PIK3R6: variants seen among roughly 807,000 people sequenced by gnomAD.
The protein encoded by PIK3R6 is phosphoinositide-3-kinase regulatory subunit 6, also known as phosphoinositide 3-kinase regulatory subunit 6.
PIK3R6 carries 91 observed loss-of-function variants against 84.9 expected under a neutral mutation model. The observed-to-expected ratio is 1.07, with a 90% confidence interval of 0.90 to 1.28. The LOEUF is 1.28. Among genes scored for constraint, PIK3R6 ranks in the 50% most tolerant of loss-of-function variants. The pLI, the probability that PIK3R6 is intolerant of heterozygous loss-of-function variation, is 0.00. For synonymous variants in PIK3R6, 416 were observed against 411.4 expected, an observed-to-expected ratio of 1.01 and a Z score of -0.13; for missense variants, 996 against 985.1, an observed-to-expected ratio of 1.01 and a Z score of -0.15.
At chr17:8,833,767 C>T (rs1180904340) in intron 8 of PIK3R6, among the ~76,000 whole-genome samples, 3 of 151,886 alleles carry the variant, frequency 2.0e-5, no homozygotes, top group East Asian at 3.9e-4. Context: ...GTCTCGATCT[C>T]CTGACCTCAT....
chr17:8,864,292 G>C (rs1383673165), intron 1 of PIK3R6, among the ~76,000 whole-genome samples: 1 of 152,136 alleles, frequency 6.6e-6, no homozygotes, highest in African/African-American at 2.4e-5. Flanking sequence ...TGATGCAACA[G>C]AGTCCATTTG....
At chr17:8,856,764 A>G (rs961707073) in intron 1 of PIK3R6, among the ~76,000 whole-genome samples, 25 of 152,186 alleles carry the variant, frequency 1.6e-4, no homozygotes, top group African/African-American at 6.0e-4. Flanking sequence ...CAGTGGGGTC[A>G]CAGGTAATTT....
At chr17:8,835,869 C>G (rs1309126965) in intron 7 of PIK3R6, among the ~76,000 whole-genome samples, 1 of 152,110 alleles carries the variant, frequency 6.6e-6, no homozygotes, top group Non-Finnish European at 1.5e-5. Context: ...CTTATCACAC[C>G]AGAGAGCCAA....
In PIK3R6 at chr17:8,828,503, C is replaced by T. The variant is rs952954439; in HGVS notation, c.1313+64G>A. Reference sequence around the variant, plus strand: ...TGCCACCCTGTGATCCTTCACCAGCCCACGCCAGGCCCACCTGTGCCCCTG... The same window carrying T: ...TGCCACCCTGTGATCCTTCACCAGCTCACGCCAGGCCCACCTGTGCCCCTG... On this transcript the variant is annotated intron_variant, in intron 11 of 19. Coordinates refer to ENST00000619866, the MANE Select transcript of PIK3R6 (RefSeq NM_001010855.4). 31 of 1,561,200 alleles carry T rather than the reference C, an allele frequency of 2.0e-5. No individual in the cohort carries two copies. The African/African-American group carries it at 3.9e-4, about 20-fold the overall frequency.
chr17:8,826,441 G>A (rs1597395027), intron 13 of PIK3R6, among the ~76,000 whole-genome samples: 1 of 152,142 alleles, frequency 6.6e-6, no homozygotes, highest in East Asian at 1.9e-4. Context: ...GGAATACTAT[G>A]CAGCCATAAA....
chr17:8,827,403 G>C, intron 12 of PIK3R6, 109 bp from the exon 13 acceptor site: 1 of 1,292,876 alleles, frequency 7.7e-7, no homozygotes, highest in Non-Finnish European at 1.0e-6. Context: ...TAACCTCTTG[G>C]GGCATGAATT....
At chr17:8,824,167 G>T (rs1385024842) in intron 13 of PIK3R6, among the ~76,000 whole-genome samples, 1 of 152,220 alleles carries the variant, frequency 6.6e-6, no homozygotes, top group Non-Finnish European at 1.5e-5. Context: ...TACTCAGGAG[G>T]CTAAGGCAGG....
At chr17:8,848,413 G>A (rs949045341) in intron 2 of PIK3R6, among the ~76,000 whole-genome samples, 6 of 152,016 alleles carry the variant, frequency 3.9e-5, no homozygotes, top group East Asian at 1.9e-4. Flanking sequence ...AATATGTCAC[G>A]GGGCAATTTC....
chr17:8,819,363 C>T (rs2087643276), intron 17 of PIK3R6, among the ~76,000 whole-genome samples, 165 bp from the exon 18 acceptor site: 1 of 152,118 alleles, frequency 6.6e-6, no homozygotes, highest in Admixed American at 6.5e-5. Flanking sequence ...AGTTACGTTT[C>T]CTTCTCAATC....
intron 18 of PIK3R6, among the ~76,000 whole-genome samples, chr17:8,816,789 T>C (rs544865485): frequency 5.3e-5 from 8 of 152,270 alleles, no homozygotes; most frequent in African/African-American, 1.2e-4. Flanking sequence ...TGCTGAAAAA[T>C]TGGCACTCAA....
Position 8,828,623 on chromosome 17 carries a change from A to G in PIK3R6, c.1257T>C (p.Leu419=), listed in dbSNP as rs2088035303. The change falls in exon 11 of 20, where the codon CTT becomes CTC. Residue 419 remains leucine (L), a synonymous_variant. Coordinates refer to ENST00000619866, the MANE Select transcript of PIK3R6 (RefSeq NM_001010855.4). The part of the protein sequence containing the change: ...GVSRLHTARV[L]VLGDDRMLGR... ...CCAGCATCCTGTCATCTCCGAGCAC[A>G]AGTACCCGGGCTGTGTGCAGCCGGG... 1 of 1,613,472 alleles carries G rather than the reference A, an allele frequency of 6.2e-7. No homozygotes were observed. The highest frequency in any genetic ancestry group is 2.2e-5 in the East Asian group (1 of 44,874).
chr17:8,859,436 G>A (rs778464489), intron 1 of PIK3R6, among the ~76,000 whole-genome samples: 7 of 152,208 alleles, frequency 4.6e-5, no homozygotes, highest in Non-Finnish European at 8.8e-5. Flanking sequence ...ACCGCCCCAT[G>A]CACGCAGCAT....
rs73973229 is a variant in PIK3R6, at chr17:8,827,438, T to C, written c.1393-144A>G. 2.1e-3 allele frequency: 2,212 copies of C among 1,035,576 alleles called. 31 individuals carry two copies. In the African/African-American group the frequency reaches 0.032, roughly 15 times the overall value. The allele number at this position is 1,035,576 out of a possible 1,614,324, so 64.1% of individuals were successfully genotyped here. A position where few individuals can be genotyped will look rare whatever the true frequency, so the allele number is the denominator to read the frequency against. On this transcript the variant is annotated intron_variant, in intron 12 of 19. Coordinates refer to ENST00000619866, the MANE Select transcript of PIK3R6 (RefSeq NM_001010855.4). ...TTCTGCATGTGAAGACACGTCGTTG[T>C]TCTGTTTTATAAACTCAGATGAAGC...
At chr17:8,863,413 C>A (rs1357637085) in intron 1 of PIK3R6, among the ~76,000 whole-genome samples, 2 of 152,050 alleles carry the variant, frequency 1.3e-5, no homozygotes, top group African/African-American at 4.8e-5. Flanking sequence ...ATACAATACA[C>A]CATTATTAAC....
Position 8,828,648 on chromosome 17 carries a change from G to C in PIK3R6, c.1232C>G (p.Ser411Cys). 2 of 1,613,268 alleles carry C rather than the reference G, an allele frequency of 1.2e-6. No individual in the cohort carries two copies. The highest frequency in any genetic ancestry group is 1.7e-6 in the Non-Finnish European group (2 of 1,179,656). ...SGDGEMLPGV[S>C]RLHTARVLVL... The stretch of plus-strand genomic sequence containing the variant: ...AAGTACCCGGGCTGTGTGCAGCCGG[G>C]ACACGCCGGGCAGCATTTCCCCATC... Residue 411 changes from serine to cysteine, a missense_variant, in exon 11 of 20, where the codon TCC becomes TGC. Coordinates refer to ENST00000619866, the MANE Select transcript of PIK3R6 (RefSeq NM_001010855.4).
chr17:8,835,386 C>G lies in PIK3R6; in HGVS notation c.532G>C (p.Ala178Pro). 4 of 1,612,250 alleles carry G rather than the reference C, an allele frequency of 2.5e-6. No homozygotes were observed. Among genetic ancestry groups the G allele is most frequent in the Non-Finnish European group, 2.5e-6 (3 of 1,178,580 alleles). ...TCTGGTGTCTGCTGCGCCTGGGCCGCCTCGATCTCCAGTAGCAGAGCACTG... is the reference window on the plus strand; with the variant it reads ...TCTGGTGTCTGCTGCGCCTGGGCCGGCTCGATCTCCAGTAGCAGAGCACTG... ...VCSALLLEIEAAQAQQTPETC... is the reference protein window; with the variant it reads ...VCSALLLEIEPAQAQQTPETC... The change falls in exon 8 of 20, where the codon GCG (alanine) becomes CCG (proline). Residue 178 changes from alanine (A) to proline (P), a missense_variant. Ala to Pro is a conservative substitution (Grantham distance 27, BLOSUM62 -1). Coordinates refer to ENST00000619866, the MANE Select transcript of PIK3R6 (RefSeq NM_001010855.4).
chr17:8,835,315 C>A lies in PIK3R6; in HGVS notation c.603G>T (p.Leu201=). 1 of 1,599,724 alleles carries A rather than the reference C, an allele frequency of 6.3e-7. No individual in the cohort carries two copies. The highest frequency in any genetic ancestry group is 1.1e-5 in the South Asian group (1 of 89,844). Reference sequence around the variant, plus strand: ...GAGCGCCTGCGTGACAGGCCTCCCCCAGAGCCGCCTGCAGGGCGTGGGAGA... The same window carrying A: ...GAGCGCCTGCGTGACAGGCCTCCCCAAGAGCCGCCTGCAGGGCGTGGGAGA... ...HVVSHALQAA[L]GEACHAGALH... Residue 201 remains leucine (L), a synonymous_variant, in exon 8 of 20, where the codon CTG becomes CTT. Coordinates refer to ENST00000619866, the MANE Select transcript of PIK3R6 (RefSeq NM_001010855.4).
chr17:8,852,468 G>A (rs549128777), intron 1 of PIK3R6, among the ~76,000 whole-genome samples: 10 of 152,176 alleles, frequency 6.6e-5, no homozygotes, highest in South Asian at 2.1e-4. Flanking sequence ...GGCCAGGTGC[G>A]GTGGCTCACA....
chr17:8,814,419 C>T (rs2087461612), intron 18 of PIK3R6, among the ~76,000 whole-genome samples: 1 of 151,874 alleles, frequency 6.6e-6, no homozygotes, highest in African/African-American at 2.4e-5. Flanking sequence ...GGGGTTTCAC[C>T]ATGTTGGCCA....
Sources: allele counts gnomAD v4.1 joint callset (sites outside exome capture counted in the v4.1 genomes callset), GRCh38; gene constraint gnomAD v4.1.1; transcripts MANE v1.5; gene names NCBI Gene and HGNC (gene_info 2026-07-23, HGNC 2026-07-21).